The following HTR4 variants were observed in gnomAD, a reference collection of about 807,000 sequenced individuals.
HTR4 encodes the protein 5-hydroxytryptamine (serotonin) receptor 4, G protein-coupled.
In HTR4, 16 loss-of-function variants were observed where a neutral mutation model predicts 36.8. That is an observed-to-expected ratio of 0.43 (90% CI 0.29 to 0.66). The LOEUF (loss-of-function observed/expected upper bound fraction) is 0.66. Ranked by LOEUF, HTR4 falls within the 30% of genes least tolerant of loss-of-function variation. The probability of loss-of-function intolerance (pLI) is 0.13; values close to 1 mark genes in which losing one functional copy is unlikely to be tolerated. For synonymous variants in HTR4, 189 were observed against 185.1 expected (o/e 1.02, Z -0.17); for missense variants, 438 against 490.9 (o/e 0.89, Z 1.02).
chr5:148,537,477 T>C (rs371013075), intron 4 of HTR4, among the ~76,000 whole-genome samples: 1 of 151,778 alleles, frequency 6.6e-6, no homozygotes, highest in African/African-American at 2.4e-5. Flanking sequence ...ATGAAGAAGA[T>C]AGATAGGATA....
intron 2 of HTR4, among the ~76,000 whole-genome samples, chr5:148,634,662 GA>G (rs1460942021): frequency 6.6e-6 from 1 of 151,650 alleles, no homozygotes; most frequent in Admixed American, 6.6e-5. Flanking sequence ...ACACATTAAA[GA>G]AAAAAAACAA....
chr5:148,465,736 C>A, intron 5 of HTR4: 1 of 1,393,968 alleles, frequency 7.2e-7, no homozygotes, highest in Non-Finnish European at 9.5e-7. Flanking sequence ...CAATTGTGCA[C>A]CCTTAACTTT....
At chr5:148,511,504 A>G (rs778954314) in intron 5 of HTR4, among the ~76,000 whole-genome samples, 8 of 152,146 alleles carry the variant, frequency 5.3e-5, no homozygotes, top group Non-Finnish European at 1.0e-4. Context: ...GTAGTATAAT[A>G]TTGCATTATA....
At chr5:148,647,824 C>T (rs1476806117) in intron 1 of HTR4, among the ~76,000 whole-genome samples, 2 of 152,098 alleles carry the variant, frequency 1.3e-5, no homozygotes, top group African/African-American at 4.8e-5. Flanking sequence ...ACTCCAGCCT[C>T]GCTGACAGAG....
intron 2 of HTR4, among the ~76,000 whole-genome samples, chr5:148,552,040 C>A (rs529334185): frequency 2.6e-5 from 4 of 152,234 alleles, no homozygotes; most frequent in Non-Finnish European, 4.4e-5. Flanking sequence ...TTCCTGAGCT[C>A]TTTTGACTGA....
intron 4 of HTR4, 116 bp from the exon 5 acceptor site, chr5:148,523,462 G>T (rs1758121341): frequency 1.4e-6 from 1 of 702,834 alleles, no homozygotes; most frequent in Non-Finnish European, 2.2e-6. Context: ...AAGGGATAGA[G>T]AACAGCAAAC....
intron 2 of HTR4, among the ~76,000 whole-genome samples, chr5:148,618,997 G>C (rs1049177420): frequency 3.3e-5 from 5 of 152,104 alleles, no homozygotes; most frequent in Non-Finnish European, 7.3e-5. Flanking sequence ...TTTTAGTGGA[G>C]ATGATCTTGA....
At chr5:148,511,134 C>T (rs962192149) in intron 5 of HTR4, among the ~76,000 whole-genome samples, 2 of 152,184 alleles carry the variant, frequency 1.3e-5, no homozygotes, top group Non-Finnish European at 2.9e-5. Flanking sequence ...GCCATCTACA[C>T]CTTTGACATA....
chr5:148,561,846 A>T (rs1760227633), intron 2 of HTR4, among the ~76,000 whole-genome samples: 2 of 152,168 alleles, frequency 1.3e-5, no homozygotes, highest in Non-Finnish European at 1.5e-5. Flanking sequence ...GCACTCAAGG[A>T]AAAGTGGACT....
intron 2 of HTR4, among the ~76,000 whole-genome samples, chr5:148,563,765 T>G (rs1760317272): frequency 6.6e-6 from 1 of 152,238 alleles, no homozygotes; most frequent in Non-Finnish European, 1.5e-5. Context: ...TATTGTTAAG[T>G]AACCTTGTTG....
intron 2 of HTR4, among the ~76,000 whole-genome samples, chr5:148,561,089 C>T (rs190985131): frequency 5.1e-4 from 78 of 152,098 alleles, no homozygotes; most frequent in African/African-American, 1.6e-3. Context: ...GACAAGGACA[C>T]GAGGGCAGGG....
At chr5:148,584,369 C>T (rs1448247349) in intron 2 of HTR4, among the ~76,000 whole-genome samples, 1 of 152,152 alleles carries the variant, frequency 6.6e-6, no homozygotes, top group Non-Finnish European at 1.5e-5. Flanking sequence ...TGCCACACAC[C>T]TTCCAATTAC....
chr5:148,504,404 A>G (rs1481722498), intron 6 of HTR4, among the ~76,000 whole-genome samples: 1 of 152,232 alleles, frequency 6.6e-6, no homozygotes, highest in Non-Finnish European at 1.5e-5. Flanking sequence ...CTGGGTACAT[A>G]ACGAAATGAA....
intron 2 of HTR4, among the ~76,000 whole-genome samples, chr5:148,636,147 T>C (rs892665949): frequency 2.6e-5 from 4 of 152,184 alleles, no homozygotes; most frequent in East Asian, 1.9e-4. Flanking sequence ...CATATTACAC[T>C]AGAGTTTCTG....
intron 2 of HTR4, among the ~76,000 whole-genome samples, chr5:148,631,403 C>T (rs181529463): frequency 1.3e-5 from 2 of 152,268 alleles, no homozygotes; most frequent in East Asian, 3.9e-4. Context: ...CACCTAAATG[C>T]CTTAAAGTTG....
chr5:148,453,576 C>T (rs1755025327), intron 5 of HTR4, among the ~76,000 whole-genome samples: 1 of 152,094 alleles, frequency 6.6e-6, no homozygotes, highest in African/African-American at 2.4e-5. Context: ...TCCTGAGGTT[C>T]GATCCTGCCT....
chr5:148,536,590 T>C (rs1301415169), intron 4 of HTR4, among the ~76,000 whole-genome samples: 1 of 151,990 alleles, frequency 6.6e-6, no homozygotes, highest in Non-Finnish European at 1.5e-5. Flanking sequence ...GGGATTGCAA[T>C]CCTAATTTCA....
chr5:148,645,565 C>G (rs749148367), intron 1 of HTR4: 3 of 152,150 alleles, frequency 2.0e-5, no homozygotes, highest in Non-Finnish European at 4.4e-5. Context: ...TATTAACTAC[C>G]AATATGACCT....
At chr5:148,601,000 A>AAC (rs1761973366) in intron 2 of HTR4, among the ~76,000 whole-genome samples, 1 of 149,014 alleles carries the variant, frequency 6.7e-6, no homozygotes, top group African/African-American at 2.5e-5. Flanking sequence ...AAAAAAAAAA[A>AAC]AAACAAATAA....
Sources: gnomAD v4.1 joint callset for allele counts (sites outside exome capture counted in the v4.1 genomes callset) on GRCh38, gnomAD v4.1.1 for gene constraint, MANE v1.5 for transcripts, NCBI Gene and HGNC (gene_info 2026-07-23, HGNC 2026-07-21) for gene names.